HHAT: variants seen among roughly 807,000 people sequenced by gnomAD.
HHAT encodes protein-cysteine N-palmitoyltransferase HHAT.
A neutral mutation model predicts 70.8 loss-of-function variants in HHAT; 47 were observed. The observed-to-expected ratio is 0.66, with a 90% CI of 0.53 to 0.85. The LOEUF is 0.85. HHAT is among the 40% of genes least tolerant of loss of function. The pLI is 0.00. For missense variants in HHAT, 609 were observed against 604.8 expected, an observed-to-expected ratio of 1.01 and a Z score of -0.07; for synonymous variants, 228 against 247.6, an observed-to-expected ratio of 0.92 and a Z score of 0.74.
At chr1:210,364,742 C>G (rs953571633) in intron 3 of HHAT, among the ~76,000 whole-genome samples, 1 of 152,236 alleles carries the variant, frequency 6.6e-6, no homozygotes, top group African/African-American at 2.4e-5. Flanking sequence ...TGCAGAGGCT[C>G]CAGAGTCCTG....
chr1:210,614,220 A>C lies in HHAT; in HGVS notation c.1246-9306A>C, dbSNP rs192656906. ...TCTTAATTTCCTTTTCAGGTTGCTC[A>C]TTGTTAGTACATAGAGATACACAAC... is the stretch of plus-strand genomic sequence containing the variant. On this transcript the variant is annotated intron_variant, in intron 10 of 11. Transcript: ENST00000261458. 8.2e-3 allele frequency among the ~76,000 whole-genome samples: 1,241 copies of C among 152,014 alleles called. 6 individuals carry two copies. The highest frequency in any genetic ancestry group is 0.021 in the Middle Eastern group (6 of 292).
intron 3 of HHAT, among the ~76,000 whole-genome samples, chr1:210,381,180 T>A: frequency 6.6e-6 from 1 of 152,032 alleles, no homozygotes; most frequent in East Asian, 1.9e-4. Context: ...AAAGCCTAAT[T>A]GATATGCTGT....
intron 8 of HHAT, among the ~76,000 whole-genome samples, chr1:210,480,678 C>CAGCT (rs1572731086): frequency 6.6e-6 from 1 of 152,206 alleles, no homozygotes; most frequent in East Asian, 1.9e-4. Flanking sequence ...AGAAACCTGG[C>CAGCT]AGCTGTCTAC....
chr1:210,648,043 G>A (rs1254684091), intron 11 of HHAT, among the ~76,000 whole-genome samples: 1 of 152,188 alleles, frequency 6.6e-6, no homozygotes, highest in East Asian at 1.9e-4. Context: ...GGGTAAGCCT[G>A]TAAGAAAACA....
At chr1:210,415,034 T>C (rs753123739) in intron 6 of HHAT, among the ~76,000 whole-genome samples, 4 of 152,008 alleles carry the variant, frequency 2.6e-5, no homozygotes, top group African/African-American at 4.8e-5. Context: ...AAAAATCTTT[T>C]TAATTGTCAA....
chr1:210,438,503 A>G (rs192811480), intron 7 of HHAT, among the ~76,000 whole-genome samples: 7 of 151,732 alleles, frequency 4.6e-5, no homozygotes, highest in Middle Eastern at 3.4e-3. Flanking sequence ...ATATACCCAC[A>G]TATATATATG....
intron 3 of HHAT, among the ~76,000 whole-genome samples, chr1:210,364,269 G>A (rs2088667182): frequency 6.6e-6 from 1 of 152,176 alleles, no homozygotes; most frequent in African/African-American, 2.4e-5. Context: ...TGTAATGTGG[G>A]TAGTATTGTG....
intron 4 of HHAT, among the ~76,000 whole-genome samples, chr1:210,398,599 C>T (rs1021839393): frequency 1.3e-5 from 2 of 152,148 alleles, no homozygotes; most frequent in African/African-American, 4.8e-5. Context: ...GTGGTAAGTT[C>T]CCAAACGAAT....
At chr1:210,531,419 TGAAGAGGACGAGGAA>T (rs994879047) in intron 9 of HHAT, among the ~76,000 whole-genome samples, 12 of 152,172 alleles carry the variant, frequency 7.9e-5, no homozygotes, top group African/African-American at 4.8e-5. Flanking sequence ...CTAACATTGT[TGAAGAGGACGAGGAA>T]GAAGAGGAAC....
chr1:210,360,836 ATTAAC>A lies in HHAT; in HGVS notation c.92-2013_92-2009del, dbSNP rs760718936. Among the ~76,000 whole-genome samples, 598 of 141,956 alleles carry A rather than the reference ATTAAC, an allele frequency of 4.2e-3. 3 individuals carry two copies. The highest frequency in any genetic ancestry group is 0.015 in the African/African-American group (566 of 37,940). 93.1% of individuals were successfully genotyped at this position (141,956 alleles called of 152,430 possible). A position where few individuals can be genotyped will look rare whatever the true frequency, so the allele number is the denominator to read the frequency against. ...AATTTTGGATATATTGGAATAAATA[ATTAAC>A]TTCACTTTTTTTTTTTTTTTTTTTA... On this transcript the variant is annotated intron_variant, in intron 2 of 11. Transcript: ENST00000261458.
chr1:210,397,016 A>C lies in HHAT; in HGVS notation c.274-3452A>C, dbSNP rs555596190. Among the ~76,000 whole-genome samples, 3 of 152,342 alleles carry C rather than the reference A, an allele frequency of 2.0e-5. No individual in the cohort carries two copies. In the East Asian group the frequency reaches 5.8e-4, roughly 29 times the overall value. On this transcript the variant is annotated intron_variant, in intron 4 of 11. Transcript: ENST00000261458. ...CATGTGATAAAATTGTATAGAACTA[A>C]ACACACACATAAATTAATAGAAGTG... is the stretch of plus-strand genomic sequence containing the variant.
intron 8 of HHAT, among the ~76,000 whole-genome samples, chr1:210,496,098 T>G (rs2094638637): frequency 6.6e-6 from 1 of 151,234 alleles, no homozygotes; most frequent in African/African-American, 2.4e-5. Flanking sequence ...TTTTTTTTTT[T>G]GAATCTTTTT....
At chr1:210,628,270 C>G (rs909472255) in intron 11 of HHAT, among the ~76,000 whole-genome samples, 2 of 152,018 alleles carry the variant, frequency 1.3e-5, no homozygotes, top group African/African-American at 4.8e-5. Context: ...CAGAATGGTG[C>G]TTCTTCTGAA....
chr1:210,448,542 A>C (rs943772307), intron 7 of HHAT, among the ~76,000 whole-genome samples: 1 of 152,192 alleles, frequency 6.6e-6, no homozygotes, highest in African/African-American at 2.4e-5. Context: ...AATTAGCCTA[A>C]TATTCAGCCT....
intron 7 of HHAT, among the ~76,000 whole-genome samples, chr1:210,452,287 C>T (rs1042262034): frequency 2.6e-5 from 4 of 152,172 alleles, no homozygotes; most frequent in African/African-American, 4.8e-5. Flanking sequence ...CTGAGATAAG[C>T]CCATTTTGCT....
chr1:210,537,487 A>G (rs2095386118), intron 9 of HHAT, among the ~76,000 whole-genome samples: 1 of 152,232 alleles, frequency 6.6e-6, no homozygotes, highest in Non-Finnish European at 1.5e-5. Flanking sequence ...TAAAATGAGT[A>G]GACAGGAAGT....
chr1:210,404,772 A>G, intron 6 of HHAT, 93 bp downstream of exon 6: 1 of 938,242 alleles, frequency 1.1e-6, no homozygotes, highest in Non-Finnish European at 1.6e-6. Context: ...CGTTTTGTTC[A>G]GAGGTGCCCA....
At chr1:210,623,146 A>G (rs1305554295) in intron 10 of HHAT, among the ~76,000 whole-genome samples, 5 of 152,180 alleles carry the variant, frequency 3.3e-5, no homozygotes, top group Admixed American at 3.3e-4. Flanking sequence ...ATCATGGCTC[A>G]CTGCAGCCTC....
intron 8 of HHAT, among the ~76,000 whole-genome samples, chr1:210,504,583 T>C (rs925313868): frequency 3.3e-5 from 5 of 152,220 alleles, no homozygotes; most frequent in East Asian, 1.9e-4. Flanking sequence ...CTGGAACTGG[T>C]GCCTTCTCAC....
Sources: gnomAD v4.1 joint callset for allele counts (sites outside exome capture counted in the v4.1 genomes callset) on GRCh38, gnomAD v4.1.1 for gene constraint, MANE v1.5 for transcripts, NCBI Gene and HGNC (gene_info 2026-07-23, HGNC 2026-07-21) for gene names.